The following GAB3 variants were observed in gnomAD, a reference collection of about 807,000 sequenced individuals.
GAB3 encodes GRB2-associated-binding protein 3.
GAB3 carries 12 observed loss-of-function variants against 40.4 expected under a neutral mutation model. That is an observed-to-expected ratio of 0.30 (90% confidence interval 0.19 to 0.48). GAB3 has a LOEUF of 0.48. Among genes scored for constraint, GAB3 ranks in the 20% least tolerant of loss-of-function variants. The probability of loss-of-function intolerance (pLI) is 0.99; values close to 1 mark genes in which losing one functional copy is unlikely to be tolerated. For synonymous variants in GAB3, 154 were observed against 176.7 expected, an observed-to-expected ratio of 0.87 and a Z score of 1.02; for missense variants, 381 against 461.9, an observed-to-expected ratio of 0.82 and a Z score of 1.61.
chrX:154,690,417 C>G (rs185814586), intron 8 of GAB3, among the ~76,000 whole-genome samples: 4,099 of 111,558 alleles, frequency 0.037, 194 homozygotes, highest in African/African-American at 0.13. Flanking sequence ...ATTGACAAAT[C>G]GGAACTAATT....
Position 154,677,914 on chromosome X carries a change from G to C in GAB3, c.*264C>G, listed in dbSNP as rs945509399. 3.3e-6 allele frequency: 1 copy of C among 300,382 alleles called. No homozygotes were observed. The highest frequency in any genetic ancestry group is 6.0e-5 in the Admixed American group (1 of 16,610). 24.8% of individuals were successfully genotyped at this position (300,382 alleles called of 1,213,427 possible). ...GGTGGCAACACTCACTCCAATCTTT[G>C]CTCCAATAGGACAGAGGGGAGGCTA... On this transcript the variant is annotated 3_prime_UTR_variant, in exon 10 of 10. Transcript: ENST00000424127.
At chrX:154,701,236 G>A (rs917396519) in intron 4 of GAB3, among the ~76,000 whole-genome samples, 5 of 111,915 alleles carry the variant, frequency 4.5e-5, no homozygotes, top group African/African-American at 1.6e-4. Flanking sequence ...CTAGAACACA[G>A]AAAGTACTTA....
At chrX:154,689,780 T>C (rs1248282399) in intron 8 of GAB3, among the ~76,000 whole-genome samples, 2 of 107,266 alleles carry the variant, frequency 1.9e-5, no homozygotes, top group African/African-American at 6.7e-5. Flanking sequence ...TACAAACAAA[T>C]GGAAGAACAT....
intron 1 of GAB3, among the ~76,000 whole-genome samples, chrX:154,727,170 C>T (rs181778914): frequency 2.6e-3 from 290 of 112,615 alleles, no homozygotes; most frequent in African/African-American, 8.6e-3. Flanking sequence ...TCTCCCACTT[C>T]ACATCTCAGC....
chrX:154,709,232 G>GCCAGAGCCCCAGAT (rs1390089287), intron 4 of GAB3, among the ~76,000 whole-genome samples: 2 of 110,659 alleles, frequency 1.8e-5, no homozygotes, highest in Non-Finnish European at 3.8e-5. Flanking sequence ...GGCCTCCCTA[G>GCCAGAGCCCCAGAT]CCATGCTTCC....
At chrX:154,738,402 A>G (rs1437409436) in intron 1 of GAB3, among the ~76,000 whole-genome samples, 4 of 112,771 alleles carry the variant, frequency 3.5e-5, no homozygotes, top group Admixed American at 9.3e-5. Context: ...AGGGCTCTCA[A>G]ATTGAAAAAG....
chrX:154,695,217 T>C (rs1489006797), intron 8 of GAB3, among the ~76,000 whole-genome samples: 3 of 111,702 alleles, frequency 2.7e-5, no homozygotes, highest in African/African-American at 9.8e-5. Flanking sequence ...ATGGCTAAAG[T>C]GTCTGCTAAT....
intron 4 of GAB3, among the ~76,000 whole-genome samples, chrX:154,709,140 CTT>C (rs2070868830): frequency 2.8e-5 from 2 of 70,394 alleles, no homozygotes; most frequent in Non-Finnish European, 6.1e-5. Flanking sequence ...GCACCTCCCC[CTT>C]CACTCTCTTC....
intron 8 of GAB3, among the ~76,000 whole-genome samples, chrX:154,689,232 C>T (rs1276779549): frequency 9.0e-6 from 1 of 111,288 alleles, no homozygotes; most frequent in Non-Finnish European, 1.9e-5. Flanking sequence ...ATGCTAAAAT[C>T]TCTCAATAAA....
chrX:154,740,801 T>C (rs1480285292), intron 1 of GAB3, among the ~76,000 whole-genome samples: 1 of 112,338 alleles, frequency 8.9e-6, no homozygotes, highest in Non-Finnish European at 1.9e-5. Context: ...TCACTTAAGC[T>C]GAAGGAATTC....
intron 1 of GAB3, among the ~76,000 whole-genome samples, chrX:154,739,974 C>T (rs1473678455): frequency 8.9e-6 from 1 of 112,172 alleles, no homozygotes; most frequent in Admixed American, 9.4e-5. Flanking sequence ...AACAAGATAC[C>T]ATTTATCATC....
intron 4 of GAB3, among the ~76,000 whole-genome samples, chrX:154,703,254 T>G (rs1557252768): frequency 8.9e-6 from 1 of 112,361 alleles, no homozygotes; most frequent in Non-Finnish European, 1.9e-5. Flanking sequence ...TCAACCTAAA[T>G]GCCCATCGAT....
rs782818856 is a variant in GAB3, at chrX:154,712,337, G to A, written c.961C>T (p.Arg321Trp). The change falls in exon 4 of 10, where the codon CGG becomes TGG. Residue 321 changes from arginine to tryptophan, a missense_variant. Transcript: ENST00000424127. ...RPPKPSHLSE[R>W]RQEEWSTHSG... The stretch of plus-strand genomic sequence containing the variant: ...TGTGTACTCCACTCCTCTTGGCGCC[G>A]TTCAGACAGATGGCTTGGCTTAGGG... 17 of 1,209,763 alleles carry A rather than the reference G, an allele frequency of 1.4e-5. No homozygotes were observed. The Admixed American group carries it at 1.7e-4, about 12-fold the overall frequency.
At chrX:154,739,031 G>A (rs373677041) in intron 1 of GAB3, among the ~76,000 whole-genome samples, 1 of 111,574 alleles carries the variant, frequency 9.0e-6, no homozygotes, top group Admixed American at 9.5e-5. Flanking sequence ...AGATTGCTTC[G>A]GCAGATCCCA....
intron 1 of GAB3, among the ~76,000 whole-genome samples, chrX:154,732,994 A>G (rs2071312732): frequency 8.9e-6 from 1 of 112,018 alleles, no homozygotes; most frequent in Non-Finnish European, 1.9e-5. Context: ...GAGGAAAAGA[A>G]CACTCTCAAT....
chrX:154,716,563 G>C (rs887266881), intron 1 of GAB3, among the ~76,000 whole-genome samples: 2 of 112,734 alleles, frequency 1.8e-5, no homozygotes, highest in African/African-American at 3.2e-5. Context: ...CCCACAGTTT[G>C]AAGGGCCAGA....
chrX:154,741,383 A>T (rs184085436), intron 1 of GAB3, among the ~76,000 whole-genome samples: 22 of 111,811 alleles, frequency 2.0e-4, no homozygotes, highest in African/African-American at 7.1e-4. Flanking sequence ...TAATTTATAA[A>T]GGAAAAAGGT....
At chrX:154,744,390 A>G (rs1028210868) in intron 1 of GAB3, among the ~76,000 whole-genome samples, 2 of 111,720 alleles carry the variant, frequency 1.8e-5, no homozygotes, top group Non-Finnish European at 3.8e-5. Context: ...GACAATAGAA[A>G]GAAGAAAATA....
chrX:154,679,372 A>T (rs1557246306), intron 9 of GAB3: 2 of 256,239 alleles, frequency 7.8e-6, no homozygotes, highest in South Asian at 8.6e-5. Context: ...TTGAAAGCAG[A>T]TGAGATTTGG....
Sources: gnomAD v4.1 joint callset for allele counts (sites outside exome capture counted in the v4.1 genomes callset) on GRCh38, gnomAD v4.1.1 for gene constraint, MANE v1.5 for transcripts, NCBI Gene and HGNC (gene_info 2026-07-23, HGNC 2026-07-21) for gene names.